Variants in LGSN observed in about 807,000 individuals in gnomAD.
LGSN encodes the protein lengsin, lens protein with glutamine synthetase domain, also known as lengsin.
Under a neutral mutation model 19.5 loss-of-function variants are expected in LGSN, and 21 were observed. The observed-to-expected ratio is 1.07, with a 90% CI of 0.76 to 1.55. The LOEUF (loss-of-function observed/expected upper bound fraction) is 1.55, where lower values mean the gene tolerates loss of function less well. Ranked by LOEUF, LGSN falls within the 40% of genes most tolerant of loss-of-function variation. The pLI is 0.00. For synonymous variants in LGSN, 257 were observed against 215.6 expected (o/e 1.19, Z -1.68); for missense variants, 673 against 608.5 (o/e 1.11, Z -1.12).
At chr6:63,350,135 T>TG in the LGSN span, among the ~76,000 whole-genome samples, 1 of 152,244 alleles carries the variant, frequency 6.6e-6, no homozygotes, top group Non-Finnish European at 1.5e-5. Flanking sequence ...CAAATACTTT[T>TG]GCACCAACCT....
At chr6:63,555,390 A>T in the LGSN span, among the ~76,000 whole-genome samples, 1 of 152,334 alleles carries the variant, frequency 6.6e-6, no homozygotes, top group East Asian at 1.9e-4. Context: ...GACTAATAGG[A>T]AGGAAAATCC....
At chr6:63,502,395 G>T in the LGSN span, among the ~76,000 whole-genome samples, 1 of 152,022 alleles carries the variant, frequency 6.6e-6, no homozygotes, top group Non-Finnish European at 1.5e-5. Flanking sequence ...TGTAATAAAG[G>T]TTAAGATACC....
the LGSN span, among the ~76,000 whole-genome samples, chr6:63,362,917 C>CTT: frequency 2.0e-5 from 3 of 150,702 alleles, no homozygotes; most frequent in African/African-American, 7.3e-5. Flanking sequence ...GTCCCTGACC[C>CTT]GAGTAGCCTA....
chr6:63,285,611 C>T lies in LGSN; in HGVS notation c.306G>A (p.Lys102=), dbSNP rs1315164895. Residue 102 remains lysine, a synonymous_variant, in exon 3 of 4, where the codon AAG becomes AAA. Transcript: ENST00000370657. ...CTTGAAAAAAGTGTGCAGGGATAGT[C>T]TTAGACCTGGACACGCCGTGGAGGT... ...ATDLHGVSRS[K]TIPAHFFQEK... 1 of 1,613,958 alleles carries T rather than the reference C, an allele frequency of 6.2e-7. No homozygotes were observed. The highest frequency in any genetic ancestry group is 2.2e-5 in the East Asian group (1 of 44,888).
At position 63,281,087 on chromosome 6, in the gene LGSN, G is replaced by T; in HGVS notation, c.464C>A (p.Thr155Asn). The T allele has an allele frequency of 1.9e-6, 3 of 1,613,806 alleles. No homozygotes were observed. Among genetic ancestry groups the T allele is most frequent in the Non-Finnish European group, 2.5e-6 (3 of 1,179,956 alleles). The stretch of plus-strand genomic sequence containing the variant: ...GTCAGCCCATGGCAAAACTCTAAAG[G>T]TTGATAACTCTGGCATTAGGACTAT... Reference protein sequence around the residue: ...SDIVLMPELSTFRVLPWADRT... With the variant: ...SDIVLMPELSNFRVLPWADRT... The change falls in exon 4 of 4, where the codon ACC (threonine) becomes AAC (asparagine). Residue 155 changes from threonine to asparagine, a missense_variant. Transcript: ENST00000370657.
chr6:63,390,264 G>A, the LGSN span, among the ~76,000 whole-genome samples: 8 of 150,908 alleles, frequency 5.3e-5, no homozygotes, highest in Middle Eastern at 3.4e-3. Context: ...CAAGTAGCTG[G>A]GATTAAAGAC....
chr6:63,567,109 T>A, the LGSN span, among the ~76,000 whole-genome samples: 1 of 152,206 alleles, frequency 6.6e-6, no homozygotes, highest in African/African-American at 2.4e-5. Context: ...TCCACTGAAG[T>A]CTTGAACGCC....
chr6:63,397,372 C>T, the LGSN span, among the ~76,000 whole-genome samples: 2 of 151,494 alleles, frequency 1.3e-5, no homozygotes, highest in Non-Finnish European at 2.9e-5. Context: ...GTGTTCATGG[C>T]TCAAAGCCAT....
the LGSN span, among the ~76,000 whole-genome samples, chr6:63,340,952 C>T: frequency 6.6e-6 from 1 of 151,546 alleles, no homozygotes; most frequent in Admixed American, 6.6e-5. Flanking sequence ...GACTTTTTTC[C>T]TGTAAAAGTA....
At chr6:63,500,164 A>G in the LGSN span, among the ~76,000 whole-genome samples, 3 of 152,138 alleles carry the variant, frequency 2.0e-5, no homozygotes, top group Admixed American at 6.6e-5. Flanking sequence ...CATAAGTGTT[A>G]ACAGAGGCCC....
chr6:63,367,404 C>T, the LGSN span, among the ~76,000 whole-genome samples: 13 of 152,170 alleles, frequency 8.5e-5, no homozygotes, highest in South Asian at 1.0e-3. Flanking sequence ...CCATCTCACA[C>T]CAGTTAGAAT....
chr6:63,449,645 G>C, the LGSN span, among the ~76,000 whole-genome samples: 1 of 151,972 alleles, frequency 6.6e-6, no homozygotes, highest in Non-Finnish European at 1.5e-5. Flanking sequence ...GTCCAAACTG[G>C]ATCAAGAAGA....
At chr6:63,521,906 A>G in the LGSN span, 1 of 152,236 alleles carries the variant, frequency 6.6e-6, no homozygotes, top group African/African-American at 2.4e-5. Flanking sequence ...TCTTATAAAA[A>G]TATATTAATC....
chr6:63,303,291 C>G (rs1046009404), intron 1 of LGSN, among the ~76,000 whole-genome samples: 1 of 152,126 alleles, frequency 6.6e-6, no homozygotes, highest in Non-Finnish European at 1.5e-5. Flanking sequence ...TATATACAAG[C>G]TTTCTCATGC....
chr6:63,510,520 A>AT, the LGSN span, among the ~76,000 whole-genome samples: 1 of 131,404 alleles, frequency 7.6e-6, no homozygotes, highest in East Asian at 2.3e-4. Flanking sequence ...TAATATTTAG[A>AT]TTTTTTTCCC....
At chr6:63,549,147 T>G in the LGSN span, 2 of 686,196 alleles carry the variant, frequency 2.9e-6, no homozygotes, top group South Asian at 3.2e-5. Flanking sequence ...GCCAGCAGCT[T>G]TCTTTTTGGC....
At chr6:63,385,219 T>C in the LGSN span, among the ~76,000 whole-genome samples, 6 of 152,216 alleles carry the variant, frequency 3.9e-5, no homozygotes, top group Non-Finnish European at 5.9e-5. Flanking sequence ...CATTTTGATA[T>C]CTGATTATGA....
the LGSN span, among the ~76,000 whole-genome samples, chr6:63,494,710 C>G: frequency 6.6e-6 from 1 of 152,156 alleles, no homozygotes; most frequent in African/African-American, 2.4e-5. Flanking sequence ...AATCCTCCCC[C>G]ATGAACCCAG....
At chr6:63,420,161 C>T in the LGSN span, among the ~76,000 whole-genome samples, 2 of 151,590 alleles carry the variant, frequency 1.3e-5, 1 homozygote, top group South Asian at 4.2e-4. Context: ...CGAGATCGCA[C>T]CACTGCACTC....
Sources: gnomAD v4.1 joint callset for allele counts (sites outside exome capture counted in the v4.1 genomes callset) on GRCh38, gnomAD v4.1.1 for gene constraint, MANE v1.5 for transcripts, NCBI Gene and HGNC (gene_info 2026-07-23, HGNC 2026-07-21) for gene names.